Variants in ZFHX3 observed in about 807,000 individuals in gnomAD.
The protein encoded by ZFHX3 is zinc finger homeobox protein 3.
Under a neutral mutation model 279.1 loss-of-function variants are expected in ZFHX3, and 42 were observed. That is an observed-to-expected ratio of 0.15 (90% CI 0.12 to 0.19). The LOEUF (loss-of-function observed/expected upper bound fraction) is 0.19. Ranked by LOEUF, ZFHX3 falls within the 10% of genes least tolerant of loss-of-function variation. The pLI is 1.00. For missense variants in ZFHX3, 4,981 were observed against 4,754.0 expected (o/e 1.05, Z -1.40); for synonymous variants, 2,293 against 1,957.8 (o/e 1.17, Z -4.52).
At position 73,141,553 on chromosome 16, in the gene ZFHX3, G is replaced by A. The variant is rs146859306; in HGVS notation, c.-1024+2199C>T. Among the ~76,000 whole-genome samples, 9 of 151,996 alleles carry A rather than the reference G, an allele frequency of 5.9e-5. No homozygotes were observed. The East Asian group carries it at 1.4e-3, about 23-fold the overall frequency. ...GCAGGGACTACAGCTGTGCTCCACCGTGTAGGGCTAATTTCTAAATTTTTT... is the reference window on the plus strand; with the variant it reads ...GCAGGGACTACAGCTGTGCTCCACCATGTAGGGCTAATTTCTAAATTTTTT... On this transcript the variant is annotated intron_variant, in intron 6 of 17. Coordinates refer to the ZFHX3 transcript ENST00000641206.
chr16:73,850,698 TTA>T (rs1961572836), intron 1 of ZFHX3, among the ~76,000 whole-genome samples: 1 of 139,100 alleles, frequency 7.2e-6, no homozygotes, highest in Non-Finnish European at 1.5e-5. Context: ...CCCAAGTCAG[TTA>T]TGTCTACTGG....
At chr16:72,830,315 C>T (rs1230408139) in intron 4 of ZFHX3, among the ~76,000 whole-genome samples, 5 of 152,224 alleles carry the variant, frequency 3.3e-5, no homozygotes, top group African/African-American at 9.6e-5. Flanking sequence ...CAGTCACTGA[C>T]CCCTCACAGG....
chr16:73,821,814 G>C (rs1483836200), intron 1 of ZFHX3, among the ~76,000 whole-genome samples: 1 of 152,230 alleles, frequency 6.6e-6, no homozygotes, highest in Non-Finnish European at 1.5e-5. Flanking sequence ...TCAGTGGGAA[G>C]TCAAAGATGC....
At chr16:73,140,511 C>G (rs1966844735) in intron 6 of ZFHX3, among the ~76,000 whole-genome samples, 1 of 152,098 alleles carries the variant, frequency 6.6e-6, no homozygotes, top group Admixed American at 6.5e-5. Context: ...TTAACAGTGG[C>G]AAACAAAGGC....
intron 4 of ZFHX3, among the ~76,000 whole-genome samples, chr16:72,856,011 G>A (rs1312974689): frequency 1.3e-5 from 2 of 152,198 alleles, no homozygotes; most frequent in Non-Finnish European, 2.9e-5. Flanking sequence ...AACAAAAGGC[G>A]CTTGTGTTTA....
At chr16:73,861,926 C>G (rs1187995273) in intron 1 of ZFHX3, among the ~76,000 whole-genome samples, 1 of 152,148 alleles carries the variant, frequency 6.6e-6, no homozygotes, top group Non-Finnish European at 1.5e-5. Context: ...TTTGTTTTGT[C>G]GAGAGGACTT....
intron 3 of ZFHX3, among the ~76,000 whole-genome samples, chr16:73,336,030 G>C (rs1019309832): frequency 6.6e-6 from 1 of 152,190 alleles, no homozygotes; most frequent in South Asian, 2.1e-4. Context: ...CGTGTTCTAA[G>C]TTGTGTTAAC....
intron 2 of ZFHX3, among the ~76,000 whole-genome samples, chr16:73,532,433 T>C (rs578135468): frequency 6.6e-6 from 1 of 152,278 alleles, no homozygotes; most frequent in South Asian, 2.1e-4. Context: ...CCATTAAACC[T>C]CTTTTTCTTT....
Position 73,442,435 on chromosome 16 carries a change from T to C in ZFHX3, c.-1291+13568A>G, listed in dbSNP as rs1386522129. On this transcript the variant is annotated intron_variant, in intron 3 of 17. Coordinates refer to the ZFHX3 transcript ENST00000641206. ...GTGCTGTAGCACGATCATAGCTCAC[T>C]GCAGCCTTAAATTCCTAGGCTCAAG... 2.6e-5 allele frequency among the ~76,000 whole-genome samples: 4 copies of C among 152,010 alleles called. No homozygotes were observed. The East Asian group carries it at 5.8e-4, about 22-fold the overall frequency.
chr16:73,738,873 G>C (rs1261320843), intron 1 of ZFHX3, among the ~76,000 whole-genome samples: 1 of 152,122 alleles, frequency 6.6e-6, no homozygotes, highest in Non-Finnish European at 1.5e-5. Context: ...TTACAAGATG[G>C]AAGAAAGGGA....
intron 1 of ZFHX3, among the ~76,000 whole-genome samples, chr16:73,029,533 G>A (rs1278564940): frequency 1.3e-5 from 2 of 152,188 alleles, no homozygotes; most frequent in Admixed American, 6.5e-5. Flanking sequence ...TGTGTTGGAC[G>A]ACGGAAGGAA....
At chr16:72,901,345 T>C (rs750629658) in intron 3 of ZFHX3, among the ~76,000 whole-genome samples, 22 of 152,158 alleles carry the variant, frequency 1.4e-4, no homozygotes, top group Non-Finnish European at 2.8e-4. Flanking sequence ...CTGCAGAGCA[T>C]GAATTTGGTG....
intron 4 of ZFHX3, among the ~76,000 whole-genome samples, chr16:73,317,400 T>C (rs1026971898): frequency 5.9e-5 from 9 of 152,176 alleles, no homozygotes; most frequent in African/African-American, 2.2e-4. Context: ...CGCTGGGCCC[T>C]TCCCCCACTC....
intron 1 of ZFHX3, among the ~76,000 whole-genome samples, chr16:73,722,333 G>C (rs1426334086): frequency 1.3e-5 from 2 of 152,232 alleles, no homozygotes; most frequent in African/African-American, 4.8e-5. Flanking sequence ...AAAATGAAGA[G>C]TGCATTAAAC....
intron 1 of ZFHX3, among the ~76,000 whole-genome samples, chr16:72,971,080 A>G (rs1381702387): frequency 6.6e-6 from 1 of 151,968 alleles, no homozygotes; most frequent in African/African-American, 2.4e-5. Context: ...TTCCTTACCT[A>G]CCTCGGATCA....
chr16:72,870,044 A>C lies in ZFHX3; in HGVS notation c.3448+19687T>G, dbSNP rs532583894. ...CCAGTTGAAGGATACTTGACAAAAC[A>C]GCTGACCTACACTCTTCAAATATGT... On this transcript the variant is annotated intron_variant, in intron 4 of 9. Coordinates refer to ENST00000268489, the MANE Select transcript of ZFHX3 (RefSeq NM_006885.4). Among the ~76,000 whole-genome samples, 7 of 152,258 alleles carry C rather than the reference A, an allele frequency of 4.6e-5. No individual in the cohort carries two copies. The South Asian group carries it at 1.5e-3, about 32-fold the overall frequency.
chr16:73,176,077 C>T (rs1967657311), intron 5 of ZFHX3, among the ~76,000 whole-genome samples: 1 of 152,214 alleles, frequency 6.6e-6, no homozygotes, highest in East Asian at 1.9e-4. Context: ...CTTATTCTCT[C>T]ATCCTTTGGC....
chr16:72,788,006 GTTC>G lies in ZFHX3; in HGVS notation c.10267_10269del (p.Glu3423del), dbSNP rs767338198. On this transcript the variant is annotated inframe_deletion, in exon 10 of 10. Coordinates refer to ENST00000268489, the MANE Select transcript of ZFHX3 (RefSeq NM_006885.4). ...GACACCTCACGGGGGGTGTTTTTCT[GTTC>G]TTCTGGTTTGGGGGATTCTTTGGCA... 3.1e-6 allele frequency: 5 copies of G among 1,613,398 alleles called. No homozygotes were observed. Among genetic ancestry groups the G allele is most frequent in the Admixed American group, 3.3e-5 (2 of 59,982 alleles).
chr16:73,180,069 A>G (rs1010768000), intron 5 of ZFHX3, among the ~76,000 whole-genome samples: 1 of 152,236 alleles, frequency 6.6e-6, no homozygotes, highest in Non-Finnish European at 1.5e-5. Flanking sequence ...TTAAAATTAC[A>G]GACTCCTACG....
Sources: allele counts gnomAD v4.1 joint callset (sites outside exome capture counted in the v4.1 genomes callset), GRCh38; gene constraint gnomAD v4.1.1; transcripts MANE v1.5; gene names NCBI Gene and HGNC (gene_info 2026-07-23, HGNC 2026-07-21).